OR1B1: variants seen among roughly 807,000 people sequenced by gnomAD.
OR1B1 encodes olfactory receptor 1B1.
For missense variants in OR1B1, 414 were observed against 402.1 expected (o/e 1.03, Z -0.25); for synonymous variants, 168 against 156.2 (o/e 1.08, Z -0.57).
At chr9:122,629,363 T>G in exon 1 of OR1B1, 3 of 1,613,886 alleles carry the variant, frequency 1.9e-6, no homozygotes, top group Admixed American at 1.7e-5. Context: ...CATGGGTGAG[T>G]GCAGTCTGGA....
the OR1B1 span, among the ~76,000 whole-genome samples, chr9:122,652,659 T>C: frequency 7.9e-5 from 12 of 152,248 alleles, no homozygotes; most frequent in African/African-American, 2.9e-4. Flanking sequence ...CTACTGACTT[T>C]AAAATAAAAC....
the OR1B1 span, among the ~76,000 whole-genome samples, chr9:122,655,543 C>T: frequency 6.6e-6 from 1 of 152,062 alleles, no homozygotes; most frequent in Non-Finnish European, 1.5e-5. Context: ...TTTGTAGGGA[C>T]ATGGATGGAG....
exon 1 of OR1B1, chr9:122,629,176 CATGACAGCA>C (rs753829756): frequency 7.4e-6 from 12 of 1,613,990 alleles, no homozygotes; most frequent in Non-Finnish European, 1.0e-5. Flanking sequence ...GATCCAGAGC[CATGACAGCA>C]ATGACAAGTG....
the OR1B1 span, among the ~76,000 whole-genome samples, chr9:122,655,775 C>T: frequency 2.2e-4 from 33 of 151,920 alleles, 1 homozygote; most frequent in East Asian, 1.9e-3. Context: ...CAGCAAACCA[C>T]CGTGGCGCAC....
At chr9:122,651,207 T>C in the OR1B1 span, among the ~76,000 whole-genome samples, 3 of 152,232 alleles carry the variant, frequency 2.0e-5, no homozygotes, top group Admixed American at 6.5e-5. Flanking sequence ...ATACATAATA[T>C]TTGTACATAT....
At chr9:122,650,419 A>T in the OR1B1 span, among the ~76,000 whole-genome samples, 1,128 of 151,078 alleles carry the variant, frequency 7.5e-3, 13 homozygotes, top group African/African-American at 0.026. Context: ...AAATTAAAAA[A>T]ATATATATAT....
exon 1 of OR1B1, chr9:122,629,453 A>C: frequency 6.2e-7 from 1 of 1,613,338 alleles, no homozygotes; most frequent in Non-Finnish European, 8.5e-7. Flanking sequence ...GAAGAAGAGG[A>C]GAGTGTAGGA....
At chr9:122,633,636 A>G (rs1041185274), upstream of OR1B1, among the ~76,000 whole-genome samples, 1 of 152,200 alleles carries the variant, frequency 6.6e-6, no homozygotes, top group African/African-American at 2.4e-5. Flanking sequence ...CAAGTTTCAA[A>G]ATGGGCAAAG....
chr9:122,648,234 G>A, the OR1B1 span, among the ~76,000 whole-genome samples: 1 of 152,036 alleles, frequency 6.6e-6, no homozygotes, highest in Non-Finnish European at 1.5e-5. Flanking sequence ...TTCATCCCTG[G>A]GATGCAAGGC....
downstream of OR1B1, chr9:122,628,511 A>C (rs1830162918): frequency 9.0e-7 from 1 of 1,114,584 alleles, no homozygotes; most frequent in Admixed American, 2.1e-5. Flanking sequence ...GATCTCCCCA[A>C]AACCAACTCT....
the OR1B1 span, among the ~76,000 whole-genome samples, chr9:122,634,648 C>A: frequency 2.0e-5 from 3 of 152,226 alleles, no homozygotes; most frequent in East Asian, 5.8e-4. Context: ...CACCAGGTCC[C>A]TCCCTTGACA....
the OR1B1 span, among the ~76,000 whole-genome samples, chr9:122,653,207 A>G: frequency 6.6e-6 from 1 of 152,252 alleles, no homozygotes; most frequent in Non-Finnish European, 1.5e-5. Context: ...AATATGTATT[A>G]TGTATTAATG....
the OR1B1 span, among the ~76,000 whole-genome samples, chr9:122,646,107 T>C: frequency 6.6e-6 from 1 of 152,080 alleles, no homozygotes. Flanking sequence ...ATGCAATCAG[T>C]GTTAAGTTGT....
At chr9:122,649,262 T>A in the OR1B1 span, among the ~76,000 whole-genome samples, 1 of 152,164 alleles carries the variant, frequency 6.6e-6, no homozygotes, top group Admixed American at 6.5e-5. Flanking sequence ...CAAGATGGAT[T>A]AAAGACTTAA....
chr9:122,650,982 G>A, the OR1B1 span, among the ~76,000 whole-genome samples: 13 of 151,546 alleles, frequency 8.6e-5, no homozygotes, highest in African/African-American at 3.1e-4. Context: ...CCAAGATCGC[G>A]CTACTGCACT....
At chr9:122,636,277 C>A in the OR1B1 span, among the ~76,000 whole-genome samples, 22 of 152,226 alleles carry the variant, frequency 1.4e-4, no homozygotes, top group African/African-American at 5.3e-4. Context: ...CACATATACA[C>A]ATATGAACCC....
the OR1B1 span, among the ~76,000 whole-genome samples, chr9:122,645,867 G>T: frequency 6.6e-6 from 1 of 152,110 alleles, no homozygotes; most frequent in African/African-American, 2.4e-5. Flanking sequence ...AAACTCACTG[G>T]TAATAGTAAG....
At chr9:122,628,964 A>G (rs2118805682) in exon 1 of OR1B1, 1 of 1,614,174 alleles carries the variant, frequency 6.2e-7, no homozygotes, top group South Asian at 1.1e-5. Context: ...AGAGGCTCGC[A>G]GAAGTGGCCG....
the OR1B1 span, among the ~76,000 whole-genome samples, chr9:122,641,098 A>G: frequency 5.3e-5 from 8 of 152,308 alleles, 1 homozygote; most frequent in South Asian, 1.0e-3. Flanking sequence ...GGTCATGAAA[A>G]TATTCCTCAG....
Sources: allele counts gnomAD v4.1 joint callset (sites outside exome capture counted in the v4.1 genomes callset), GRCh38; gene constraint gnomAD v4.1.1; transcripts MANE v1.5; gene names NCBI Gene and HGNC (gene_info 2026-07-23, HGNC 2026-07-21).